Variants in CNTNAP2 observed in about 807,000 individuals in gnomAD.
CNTNAP2 encodes contactin-associated protein-like 2.
CNTNAP2 carries 98 observed loss-of-function variants against 155.2 expected under a neutral mutation model. The observed-to-expected ratio is 0.63, with a 90% confidence interval of 0.54 to 0.75. The LOEUF is 0.75. CNTNAP2 is among the 30% of genes least tolerant of loss of function. CNTNAP2 has a pLI of 0.00. For missense variants in CNTNAP2, 1,727 were observed against 1,688.1 expected (o/e 1.02, Z -0.40); for synonymous variants, 651 against 631.2 (o/e 1.03, Z -0.47).
At chr7:146,155,052 G>T (rs1391759085) in intron 1 of CNTNAP2, among the ~76,000 whole-genome samples, 1 of 152,146 alleles carries the variant, frequency 6.6e-6, no homozygotes, top group Non-Finnish European at 1.5e-5. Flanking sequence ...TGCTTCAACA[G>T]AGTTTTATGG....
intron 10 of CNTNAP2, among the ~76,000 whole-genome samples, chr7:147,443,403 G>A (rs886288231): frequency 6.6e-6 from 1 of 152,184 alleles, no homozygotes; most frequent in East Asian, 1.9e-4. Flanking sequence ...AGGTGGTGGA[G>A]GGGTGTCGTC....
intron 17 of CNTNAP2, among the ~76,000 whole-genome samples, chr7:148,163,450 C>T (rs1270058754): frequency 6.6e-6 from 1 of 152,330 alleles, no homozygotes; most frequent in East Asian, 1.9e-4. Context: ...AGCTCCACCC[C>T]CATTGCATAA....
chr7:146,318,576 C>G (rs941507267), intron 1 of CNTNAP2, among the ~76,000 whole-genome samples: 1 of 152,108 alleles, frequency 6.6e-6, no homozygotes, highest in African/African-American at 2.4e-5. Flanking sequence ...CCTTCTCTCC[C>G]TATTTACAAA....
intron 13 of CNTNAP2, among the ~76,000 whole-genome samples, chr7:147,837,040 A>C (rs1798644474): frequency 6.6e-6 from 1 of 152,230 alleles, no homozygotes; most frequent in South Asian, 2.1e-4. Context: ...ATCCGAGTTC[A>C]TGGATAGGTG....
intron 1 of CNTNAP2, among the ~76,000 whole-genome samples, chr7:146,679,882 TC>T (rs1035891993): frequency 1.2e-3 from 190 of 152,316 alleles, no homozygotes; most frequent in African/African-American, 4.4e-3. Flanking sequence ...TATAAGACAT[TC>T]TTTTTTTTAA....
chr7:146,823,951 G>C (rs893539484), intron 2 of CNTNAP2, among the ~76,000 whole-genome samples: 5 of 151,992 alleles, frequency 3.3e-5, no homozygotes, highest in Non-Finnish European at 7.4e-5. Flanking sequence ...CATGTGCCAT[G>C]GTGGTTTGCT....
At chr7:146,163,569 ATATCTATCTATCTATC>A (rs149621233) in intron 1 of CNTNAP2, among the ~76,000 whole-genome samples, 5 of 106,652 alleles carry the variant, frequency 4.7e-5, no homozygotes, top group East Asian at 4.0e-4. Context: ...ATATCTATCT[ATATCTATCTATCTATC>A]TATATATATA....
intron 13 of CNTNAP2, among the ~76,000 whole-genome samples, chr7:147,744,499 T>A (rs1797005670): frequency 6.6e-6 from 1 of 152,214 alleles, no homozygotes; most frequent in African/African-American, 2.4e-5. Flanking sequence ...TAGACTGAAC[T>A]AATTGTTCAG....
chr7:148,043,728 C>T (rs1296955845), intron 15 of CNTNAP2, among the ~76,000 whole-genome samples: 1 of 152,130 alleles, frequency 6.6e-6, no homozygotes, highest in Non-Finnish European at 1.5e-5. Context: ...TTTCGTTTTG[C>T]TTTGTTTTGT....
At chr7:147,271,756 A>T (rs1804758141) in intron 8 of CNTNAP2, among the ~76,000 whole-genome samples, 1 of 152,162 alleles carries the variant, frequency 6.6e-6, no homozygotes, top group African/African-American at 2.4e-5. Flanking sequence ...CACCCCCATG[A>T]TTCAGCGATC....
At chr7:147,081,416 TC>T (rs1440181883) in intron 4 of CNTNAP2, 5 of 119,380 alleles carry the variant, frequency 4.2e-5, no homozygotes, top group Non-Finnish European at 7.2e-5. Context: ...ACTAAGAGAT[TC>T]TTTTTTTTTT....
At chr7:148,142,542 G>A (rs767813114) in intron 16 of CNTNAP2, among the ~76,000 whole-genome samples, 10 of 152,198 alleles carry the variant, frequency 6.6e-5, no homozygotes, top group African/African-American at 1.9e-4. Flanking sequence ...GCCACCCCTC[G>A]AACCTTATTT....
intron 2 of CNTNAP2, among the ~76,000 whole-genome samples, chr7:146,824,191 C>G (rs1386764578): frequency 6.6e-6 from 1 of 152,100 alleles, no homozygotes; most frequent in Non-Finnish European, 1.5e-5. Flanking sequence ...CTGGCTTTAT[C>G]CATGTCCCTG....
At chr7:147,387,273 A>C (rs13234757) in intron 9 of CNTNAP2, among the ~76,000 whole-genome samples, 26,113 of 152,148 alleles carry the variant, frequency 0.17, 2,845 homozygotes, top group Non-Finnish European at 0.24. Flanking sequence ...AGTCTCTAAC[A>C]ATCATAATTA....
chr7:148,370,800 C>T (rs1294535192), intron 21 of CNTNAP2, among the ~76,000 whole-genome samples: 1 of 152,292 alleles, frequency 6.6e-6, no homozygotes, highest in East Asian at 1.9e-4. Flanking sequence ...AGTTGAGCAT[C>T]CTTCCATTAA....
chr7:147,425,134 A>G (rs62481223), intron 10 of CNTNAP2, among the ~76,000 whole-genome samples: 1 of 130,064 alleles, frequency 7.7e-6, no homozygotes, highest in Admixed American at 7.9e-5. Context: ...TTGCAAGTGG[A>G]ATTTTTTTTT....
At chr7:148,126,731 G>A (rs12535215) in intron 16 of CNTNAP2, among the ~76,000 whole-genome samples, 11,584 of 152,164 alleles carry the variant, frequency 0.076, 751 homozygotes, top group African/African-American at 0.17. Flanking sequence ...GGTTCAAACA[G>A]TGACCACAAT....
chr7:147,175,727 TG>T (rs908564982), intron 8 of CNTNAP2, among the ~76,000 whole-genome samples: 6 of 152,120 alleles, frequency 3.9e-5, no homozygotes, highest in Non-Finnish European at 7.4e-5. Flanking sequence ...TGAGCTTCCT[TG>T]TGTGGGAGTA....
At chr7:146,865,919 G>T (rs12667877) in intron 3 of CNTNAP2, among the ~76,000 whole-genome samples, 53,731 of 151,928 alleles carry the variant, frequency 0.35, 9,711 homozygotes, top group Admixed American at 0.43. Context: ...CCTTGAAAAG[G>T]AATCCTTGTA....
Sources: gnomAD v4.1 joint callset for allele counts (sites outside exome capture counted in the v4.1 genomes callset) on GRCh38, gnomAD v4.1.1 for gene constraint, MANE v1.5 for transcripts, NCBI Gene and HGNC (gene_info 2026-07-23, HGNC 2026-07-21) for gene names.